TEX11: variants seen among roughly 807,000 people sequenced by gnomAD.
The protein encoded by TEX11 is testis expressed 11, also known as testis-expressed protein 11.
Under a neutral mutation model 84.4 loss-of-function variants are expected in TEX11, and 7 were observed. That is an observed-to-expected ratio of 0.08 (90% CI 0.05 to 0.16). TEX11 has a LOEUF of 0.16. TEX11 is among the 10% of genes least tolerant of loss of function. The pLI is 1.00. For missense variants in TEX11, 551 were observed against 660.5 expected (o/e 0.83, Z 1.82); for synonymous variants, 264 against 222.8 (o/e 1.18, Z -1.64).
Position 70,629,431 on chromosome X carries a change from A to T in TEX11, c.1608+180T>A, listed in dbSNP as rs952319100. Among the ~76,000 whole-genome samples the T allele has an allele frequency of 9.8e-5, 11 of 112,177 alleles. 1 individual carries two copies. Among genetic ancestry groups the T allele is most frequent in the Non-Finnish European group, 2.1e-4 (11 of 53,189 alleles). The stretch of plus-strand genomic sequence containing the variant: ...GTTACCTCACTGTTTCATTTACTTT[A>T]GTCTGCATTATAGTGAAATGAGAAG... On this transcript the variant is annotated intron_variant, in intron 18 of 29. Transcript: ENST00000374333.
chrX:70,775,445 G>A (rs1331625561), intron 9 of TEX11, among the ~76,000 whole-genome samples: 2 of 110,669 alleles, frequency 1.8e-5, no homozygotes, highest in African/African-American at 6.6e-5. Flanking sequence ...CATTCTACAA[G>A]GGACTAATAT....
At chrX:70,618,830 A>G (rs1364918770) in intron 20 of TEX11, among the ~76,000 whole-genome samples, 1 of 112,077 alleles carries the variant, frequency 8.9e-6, no homozygotes, top group African/African-American at 3.2e-5. Flanking sequence ...GGGCAGAGAT[A>G]TATCCTCCTT....
At chrX:70,568,147 T>G (rs2088522144) in intron 25 of TEX11, among the ~76,000 whole-genome samples, 1 of 111,868 alleles carries the variant, frequency 8.9e-6, no homozygotes, top group East Asian at 2.8e-4. Flanking sequence ...TTGATCCCTT[T>G]ACCATTATGT....
rs757473146 is a variant in TEX11, at chrX:70,740,770, C to A, written c.774G>T (p.Thr258=). The change falls in exon 11 of 30, where the codon ACG becomes ACT. Residue 258 remains threonine, a synonymous_variant. Coordinates refer to ENST00000374333, the MANE Select transcript of TEX11 (RefSeq NM_031276.3). ...MLAKVLRLLA[T]NYLDWDDTKY... ...TGGTGTCATCCCAATCCAAATAATTCGTGGCTAATAGCCGTAGAACTTTAG... is the reference window on the plus strand; with the variant it reads ...TGGTGTCATCCCAATCCAAATAATTAGTGGCTAATAGCCGTAGAACTTTAG... 1 of 1,186,690 alleles carries A rather than the reference C, an allele frequency of 8.4e-7. No individual in the cohort carries two copies. The highest frequency in any genetic ancestry group is 1.1e-6 in the Non-Finnish European group (1 of 881,030).
At chrX:70,649,885 C>A (rs1238151620) in intron 17 of TEX11, among the ~76,000 whole-genome samples, 3 of 111,786 alleles carry the variant, frequency 2.7e-5, no homozygotes, top group East Asian at 2.8e-4. Flanking sequence ...TGAAAAAAAA[C>A]CCTGAAAACC....
chrX:70,794,676 T>A (rs1363513077), intron 9 of TEX11, among the ~76,000 whole-genome samples: 2 of 109,452 alleles, frequency 1.8e-5, no homozygotes, highest in African/African-American at 6.7e-5. Flanking sequence ...GAGACACCCA[T>A]TCCAAGCCCT....
chrX:70,795,571 C>T (rs1232097602), intron 9 of TEX11, among the ~76,000 whole-genome samples: 2 of 111,914 alleles, frequency 1.8e-5, no homozygotes, highest in African/African-American at 6.5e-5. Flanking sequence ...ACACAGCAGT[C>T]CCAGGGGTAG....
chrX:70,700,665 C>G (rs1046561420), intron 13 of TEX11, among the ~76,000 whole-genome samples: 2 of 111,566 alleles, frequency 1.8e-5, no homozygotes, highest in Non-Finnish European at 3.8e-5. Context: ...TCACATATCT[C>G]TCATTTTAAA....
At position 70,588,783 on chromosome X, in the gene TEX11, C is replaced by T. The variant is rs748253497; in HGVS notation, c.2140+2968G>A. 1.3e-3 allele frequency among the ~76,000 whole-genome samples: 149 copies of T among 110,584 alleles called. 2 individuals carry two copies. Among genetic ancestry groups the T allele is most frequent in the African/African-American group, 4.7e-3 (144 of 30,452 alleles). On this transcript the variant is annotated intron_variant, in intron 25 of 29. Transcript: ENST00000374333. ...TGTATGATTCACTTAAAGGAAATAT[C>T]TAGGGTTGGGCATGGTGGTTCACAC...
chrX:70,522,746 T>C, the TEX11 span, among the ~76,000 whole-genome samples: 1 of 109,378 alleles, frequency 9.1e-6, no homozygotes, highest in Admixed American at 9.7e-5. Context: ...TTTCTCCATG[T>C]TGGTCAGGCT....
At chrX:70,805,084 C>A (rs1373542091) in intron 9 of TEX11, among the ~76,000 whole-genome samples, 1 of 104,214 alleles carries the variant, frequency 9.6e-6, no homozygotes, top group Non-Finnish European at 1.9e-5. Context: ...CAAATACTGT[C>A]AAATACTGGA....
intron 15 of TEX11, among the ~76,000 whole-genome samples, chrX:70,675,437 C>T (rs2090062102): frequency 9.0e-6 from 1 of 111,440 alleles, no homozygotes; most frequent in South Asian, 3.8e-4. Flanking sequence ...TACTCTGCAA[C>T]CAATCTCCAG....
intron 11 of TEX11, among the ~76,000 whole-genome samples, chrX:70,739,413 C>CTTT (rs35219972): frequency 1.3e-5 from 1 of 75,152 alleles, no homozygotes; most frequent in African/African-American, 4.8e-5. Context: ...TATTTCATTT[C>CTTT]TTTTTTTTTT....
intron 15 of TEX11, among the ~76,000 whole-genome samples, chrX:70,677,314 C>G (rs1490735906): frequency 9.0e-6 from 1 of 111,725 alleles, no homozygotes; most frequent in Admixed American, 9.5e-5. Flanking sequence ...CAAGACCCTT[C>G]TGAGTTTTCT....
At chrX:70,767,622 G>C (rs1182509026) in intron 9 of TEX11, among the ~76,000 whole-genome samples, 1 of 111,693 alleles carries the variant, frequency 9.0e-6, no homozygotes, top group Non-Finnish European at 1.9e-5. Context: ...CCCACTGCTG[G>C]TTATATACCC....
At chrX:70,641,911 C>T (rs2089664693) in intron 17 of TEX11, among the ~76,000 whole-genome samples, 1 of 111,222 alleles carries the variant, frequency 9.0e-6, no homozygotes, top group Admixed American at 9.6e-5. Context: ...CAAGAAATAA[C>T]TAAGATCAGA....
chrX:70,878,875 C>T (rs886999729), intron 3 of TEX11, among the ~76,000 whole-genome samples: 2 of 111,504 alleles, frequency 1.8e-5, no homozygotes, highest in African/African-American at 6.5e-5. Context: ...GCAATGAAAA[C>T]GTTCATGAAT....
intron 20 of TEX11, among the ~76,000 whole-genome samples, chrX:70,612,588 T>C (rs1416921305): frequency 2.8e-5 from 3 of 106,297 alleles, no homozygotes; most frequent in Non-Finnish European, 3.9e-5. Context: ...AAAAAAAATC[T>C]CTGCCCTTGA....
At chrX:70,854,170 G>C (rs1376306980) in intron 5 of TEX11, among the ~76,000 whole-genome samples, 1 of 111,788 alleles carries the variant, frequency 8.9e-6, no homozygotes, top group Non-Finnish European at 1.9e-5. Flanking sequence ...TGAGAAAATA[G>C]AATTGAGAGA....
Sources: allele counts gnomAD v4.1 joint callset (sites outside exome capture counted in the v4.1 genomes callset), GRCh38; gene constraint gnomAD v4.1.1; transcripts MANE v1.5; gene names NCBI Gene and HGNC (gene_info 2026-07-23, HGNC 2026-07-21).